The following TTLL1 variants were observed in gnomAD, a reference collection of about 807,000 sequenced individuals.
TTLL1 encodes the protein TTL family tubulin polyglutamylase complex subunit L1.
A neutral mutation model predicts 47.8 loss-of-function variants in TTLL1; 33 were observed. The ratio of observed to expected loss-of-function variants is 0.69; its 90% CI spans 0.52 to 0.92. The LOEUF (loss-of-function observed/expected upper bound fraction) is 0.92, where lower values mean the gene tolerates loss of function less well. TTLL1 is among the 40% of genes least tolerant of loss of function. The pLI is 0.00. For synonymous variants in TTLL1, 225 were observed against 214.1 expected (o/e 1.05, Z -0.45); for missense variants, 488 against 547.5 (o/e 0.89, Z 1.08).
chr22:43,079,202 C>T (rs9623750), intron 2 of TTLL1, among the ~76,000 whole-genome samples: 22,059 of 84,822 alleles, frequency 0.26, 1,373 homozygotes, highest in Middle Eastern at 0.39. Flanking sequence ...CCACGGGAGC[C>T]GCACCCCAGA....
chr22:43,045,438 T>C (rs2146958566), intron 10 of TTLL1, among the ~76,000 whole-genome samples: 1 of 151,180 alleles, frequency 6.6e-6, no homozygotes, highest in Admixed American at 6.6e-5. Context: ...GCTATTTCCT[T>C]CCCGCTCTGT....
At chr22:43,043,813 T>A (rs1256907257) in intron 10 of TTLL1, among the ~76,000 whole-genome samples, 1 of 151,920 alleles carries the variant, frequency 6.6e-6, no homozygotes, top group Non-Finnish European at 1.5e-5. Context: ...GTTACCTTCC[T>A]CCTTGTGCAG....
At position 43,071,599 on chromosome 22, in the gene TTLL1, G is replaced by C. The variant is rs560056741; in HGVS notation, c.114-1755C>G. ...TAATTGTTATATTTTTAGTAGAGAC[G>C]GGGTTTTGCCACGTTGGCCAGGCTG... On this transcript the variant is annotated intron_variant, in intron 3 of 10. Transcript: ENST00000266254. Among the ~76,000 whole-genome samples, 11 of 152,190 alleles carry C rather than the reference G, an allele frequency of 7.2e-5. No individual in the cohort carries two copies. The South Asian group carries it at 2.1e-3, about 29-fold the overall frequency.
intron 9 of TTLL1, among the ~76,000 whole-genome samples, chr22:43,047,409 C>T (rs942376429): frequency 6.6e-6 from 1 of 152,210 alleles, no homozygotes; most frequent in African/African-American, 2.4e-5. Flanking sequence ...ACAAGATCCA[C>T]ACATTAAAAT....
chr22:43,047,843 T>TA (rs1926265543), intron 9 of TTLL1, among the ~76,000 whole-genome samples: 1 of 152,238 alleles, frequency 6.6e-6, no homozygotes. Context: ...CATGGGGGAT[T>TA]AGAGGGAGCA....
At chr22:43,056,313 C>T (rs1196712952) in intron 8 of TTLL1, among the ~76,000 whole-genome samples, 2 of 148,038 alleles carry the variant, frequency 1.4e-5, no homozygotes, top group Admixed American at 6.8e-5. Context: ...GAGCCGAGAT[C>T]GCATCACTGC....
intron 10 of TTLL1, among the ~76,000 whole-genome samples, chr22:43,041,532 CT>C (rs112180579): frequency 1.4e-3 from 193 of 140,112 alleles, no homozygotes; most frequent in Non-Finnish European, 1.4e-3. Flanking sequence ...TTTCTGATTC[CT>C]TTTTTTTTTT....
intron 9 of TTLL1, 99 bp from the exon 10 acceptor site, chr22:43,046,672 G>C: frequency 7.1e-7 from 1 of 1,417,840 alleles, no homozygotes; most frequent in South Asian, 1.3e-5. Context: ...ACACACTTTA[G>C]TGAAGTTTTT....
chr22:43,066,316 G>A (rs1234942123), intron 5 of TTLL1, among the ~76,000 whole-genome samples: 1 of 152,020 alleles, frequency 6.6e-6, no homozygotes, highest in Non-Finnish European at 1.5e-5. Context: ...TATCCATGGA[G>A]GACACACCCC....
chr22:43,045,589 G>A (rs1926060960), intron 10 of TTLL1, among the ~76,000 whole-genome samples: 2 of 149,588 alleles, frequency 1.3e-5, no homozygotes, highest in African/African-American at 2.5e-5. Context: ...GGGATTACAG[G>A]TGTGAGCCAC....
At chr22:43,069,523 C>G (rs2076154) in intron 4 of TTLL1, 113 bp downstream of exon 4, 1 of 1,536,590 alleles carries the variant, frequency 6.5e-7, no homozygotes, top group East Asian at 2.3e-5. Flanking sequence ...CACCACAACT[C>G]GCATGGACAT....
chr22:43,063,635 T>A lies in TTLL1; in HGVS notation c.747+178A>T, dbSNP rs77325620. Among the ~76,000 whole-genome samples, 3 of 144,360 alleles carry A rather than the reference T, an allele frequency of 2.1e-5. No individual in the cohort carries two copies. In the South Asian group the frequency reaches 6.4e-4, roughly 31 times the overall value. The allele number at this position is 144,360 out of a possible 152,430, so 94.7% of individuals were successfully genotyped here. A position where few individuals can be genotyped will look rare whatever the true frequency, so the allele number is the denominator to read the frequency against. On this transcript the variant is annotated intron_variant, in intron 7 of 10. Transcript: ENST00000266254. ...GCCAGCCACCATGGTAATTTCCGTATTTTTTTTTTTAGTAGAGACAGGGTT... is the reference window on the plus strand; with the variant it reads ...GCCAGCCACCATGGTAATTTCCGTAATTTTTTTTTTAGTAGAGACAGGGTT...
At chr22:43,085,498 C>T (rs1337332797) in intron 1 of TTLL1, among the ~76,000 whole-genome samples, 1 of 152,134 alleles carries the variant, frequency 6.6e-6, no homozygotes, top group African/African-American at 2.4e-5. Context: ...CCGTACTGTT[C>T]TCGTGGTAGT....
intron 1 of TTLL1, among the ~76,000 whole-genome samples, chr22:43,086,256 G>A (rs1188597073): frequency 6.6e-6 from 1 of 152,024 alleles, no homozygotes; most frequent in African/African-American, 2.4e-5. Flanking sequence ...AACCTAACCA[G>A]GAAAAACAGA....
chr22:43,043,766 C>T (rs1167084727), intron 10 of TTLL1, among the ~76,000 whole-genome samples: 1 of 152,090 alleles, frequency 6.6e-6, no homozygotes, highest in Non-Finnish European at 1.5e-5. Flanking sequence ...GGCCTCCTCT[C>T]TAAAGCCCCC....
At chr22:43,083,316 C>T (rs1275216356) in intron 1 of TTLL1, among the ~76,000 whole-genome samples, 5 of 152,214 alleles carry the variant, frequency 3.3e-5, no homozygotes, top group Middle Eastern at 3.4e-3. Context: ...TTGCAGTGAG[C>T]CAAGATTGCA....
intron 9 of TTLL1, among the ~76,000 whole-genome samples, chr22:43,050,428 A>C (rs1001163533): frequency 2.0e-5 from 3 of 150,940 alleles, no homozygotes; most frequent in Admixed American, 6.6e-5. Context: ...AAACAAAAAA[A>C]AAAAGAAAAG....
chr22:43,077,433 C>T (rs1928581226), intron 2 of TTLL1, among the ~76,000 whole-genome samples: 1 of 152,194 alleles, frequency 6.6e-6, no homozygotes. Context: ...TGCTGTACCC[C>T]TCGGCAACCC....
chr22:43,057,856 G>C (rs958723327), intron 8 of TTLL1, among the ~76,000 whole-genome samples: 1 of 151,898 alleles, frequency 6.6e-6, no homozygotes, highest in Non-Finnish European at 1.5e-5. Context: ...TCCCAGCTCC[G>C]GGGCCTGGGC....
Sources: gnomAD v4.1 joint callset for allele counts (sites outside exome capture counted in the v4.1 genomes callset) on GRCh38, gnomAD v4.1.1 for gene constraint, MANE v1.5 for transcripts, NCBI Gene and HGNC (gene_info 2026-07-23, HGNC 2026-07-21) for gene names.